The following TPMT variants were observed in gnomAD, a reference collection of about 807,000 sequenced individuals.
TPMT encodes S-adenosyl-L-methionine:thiopurine S-methyltransferase.
A neutral mutation model predicts 34.2 loss-of-function variants in TPMT; 18 were observed. That is an observed-to-expected ratio of 0.53 (90% CI 0.36 to 0.78). The LOEUF is 0.78. TPMT is among the 30% of genes least tolerant of loss of function. The probability of loss-of-function intolerance (pLI) is 0.00; values close to 1 mark genes in which losing one functional copy is unlikely to be tolerated. For missense variants in TPMT, 265 were observed against 288.1 expected (o/e 0.92, Z 0.58); for synonymous variants, 69 against 92.4 (o/e 0.75, Z 1.45).
rs1331401174 is a variant in TPMT at position 18,140,145 on chromosome 6, T to C, written c.367-428A>G. 6.6e-6 allele frequency among the ~76,000 whole-genome samples: 1 copy of C among 152,238 alleles called. No individual in the cohort carries two copies. Among genetic ancestry groups the C allele is most frequent in the East Asian group, 1.9e-4 (1 of 5,202 alleles). On this transcript the variant is annotated intron_variant, in intron 4 of 8. Coordinates refer to ENST00000309983, the MANE Select transcript of TPMT (RefSeq NM_000367.5). This position sits in a 1 kb window ranked among gnomAD's most constrained non-coding sequence, Gnocchi z 4.7. ...GTGCTGATTCTTCCATTTTTGCTCA[T>C]TCATTCAGCCAATGAGCATTTATTT...
In TPMT at chr6:18,130,946, C is replaced by T. The variant is rs141660412; in HGVS notation, c.626-166G>A. Among the ~76,000 whole-genome samples, 114 of 152,294 alleles carry T rather than the reference C, an allele frequency of 7.5e-4. No individual in the cohort carries two copies. The highest frequency in any genetic ancestry group is 2.6e-3 in the African/African-American group (110 of 41,556). On this transcript the variant is annotated intron_variant, in intron 8 of 8. Coordinates refer to ENST00000309983, the MANE Select transcript of TPMT (RefSeq NM_000367.5). The surrounding 1 kb of genome is among the most constrained non-coding windows in gnomAD (Gnocchi z 4.2). ...TTGAGGTCAGGAGTTCATGACCAGC[C>T]TGGCCAAGATGGTGAAACTCTGTCT...
At position 18,143,519 on chromosome 6, in the gene TPMT, G is replaced by C; in HGVS notation, c.366+77C>G. The C allele has an allele frequency of 6.4e-7, 1 of 1,567,570 alleles. No homozygotes were observed. Among genetic ancestry groups the C allele is most frequent in the Non-Finnish European group, 8.8e-7 (1 of 1,142,052 alleles). ...ATAGGAACCATCGGACACATGAATG[G>C]TATCCTCATAATACTCACACTGAGA... On this transcript the variant is annotated intron_variant, in intron 4 of 8. Transcript: ENST00000309983. The surrounding 1 kb of genome is among the most constrained non-coding windows in gnomAD (Gnocchi z 6.1).
chr6:18,147,377 TC>T (rs2150717908), intron 3 of TPMT, among the ~76,000 whole-genome samples: 1 of 152,346 alleles, frequency 6.6e-6, no homozygotes, highest in Non-Finnish European at 1.5e-5. Flanking sequence ...ACTCCTGTGT[TC>T]CCTGGTGGGA....
chr6:18,141,403 G>A (rs374269887), intron 4 of TPMT, among the ~76,000 whole-genome samples: 1 of 150,616 alleles, frequency 6.6e-6, no homozygotes, highest in Non-Finnish European at 1.5e-5. Flanking sequence ...GCAGTGGTGC[G>A]ATCTTGGCTC....
At position 18,135,871 on chromosome 6, in the gene TPMT, A is replaced by T. The variant is rs1290165716; in HGVS notation, c.495-1982T>A. On this transcript the variant is annotated intron_variant, in intron 6 of 8. Coordinates refer to ENST00000309983, the MANE Select transcript of TPMT (RefSeq NM_000367.5). This position sits in a 1 kb window ranked among gnomAD's most constrained non-coding sequence, Gnocchi z 5.0. Reference sequence around the variant, plus strand: ...GCAACAAGAGTGGAACTCCATCTCAAAAAAAAACCCTAAGATACTACCAGT... The same window carrying T: ...GCAACAAGAGTGGAACTCCATCTCATAAAAAAACCCTAAGATACTACCAGT... Among the ~76,000 whole-genome samples, 1 of 152,074 alleles carries T rather than the reference A, an allele frequency of 6.6e-6. No individual in the cohort carries two copies. The highest frequency in any genetic ancestry group is 1.5e-5 in the Non-Finnish European group (1 of 67,994).
chr6:18,148,267 G>A lies in TPMT; in HGVS notation c.141-352C>T, dbSNP rs1043695176. On this transcript the variant is annotated intron_variant, in intron 2 of 8. Transcript: ENST00000309983. The surrounding 1 kb of genome is among the most constrained non-coding windows in gnomAD (Gnocchi z 4.1). ...TAATTTCATGGTACGTTCTCTAAACGTGTACTCAAGCCTCGGAAGTAAACC... is the reference window on the plus strand; with the variant it reads ...TAATTTCATGGTACGTTCTCTAAACATGTACTCAAGCCTCGGAAGTAAACC... Among the ~76,000 whole-genome samples the A allele has an allele frequency of 6.6e-6, 1 of 152,082 alleles. No homozygotes were observed. The highest frequency in any genetic ancestry group is 2.4e-5 in the African/African-American group (1 of 41,408).
rs11966998 is a variant in TPMT at position 18,145,502 on chromosome 6, T to G, written c.234-1774A>C. Among the ~76,000 whole-genome samples, 8,769 of 152,254 alleles carry G rather than the reference T, an allele frequency of 0.058. 335 individuals are homozygous for G. The highest frequency in any genetic ancestry group is 0.1 in the African/African-American group (4,352 of 41,530). ...GTGAAATTTATTTCATGCTCAAATT[T>G]TTCCCTAATATATCAATTGAGTTAG... On this transcript the variant is annotated intron_variant, in intron 3 of 8. Transcript: ENST00000309983. The surrounding 1 kb of genome is among the most constrained non-coding windows in gnomAD (Gnocchi z 5.6).
chr6:18,133,491 T>C (rs1038863163), intron 7 of TPMT, among the ~76,000 whole-genome samples: 3 of 152,168 alleles, frequency 2.0e-5, no homozygotes, highest in Non-Finnish European at 1.5e-5. Context: ...CCAACCACAT[T>C]CCTCCTTCTT....
rs779236329 is a variant in TPMT at position 18,139,630 on chromosome 6, A to G, written c.419+35T>C. On this transcript the variant is annotated intron_variant, in intron 5 of 8. Coordinates refer to ENST00000309983, the MANE Select transcript of TPMT (RefSeq NM_000367.5). This position sits in a 1 kb window ranked among gnomAD's most constrained non-coding sequence, Gnocchi z 4.2. The stretch of plus-strand genomic sequence containing the variant: ...GCCTGCACTGCCTGGCAAGCATTCA[A>G]ATTTTTTAAAGTGCAGATGTAGTAT... The G allele has an allele frequency of 6.3e-7, 1 of 1,585,882 alleles. No homozygotes were observed. The highest frequency in any genetic ancestry group is 1.3e-5 in the African/African-American group (1 of 74,434).
chr6:18,140,941 G>A lies in TPMT; in HGVS notation c.367-1224C>T, dbSNP rs536456108. On this transcript the variant is annotated intron_variant, in intron 4 of 8. Transcript: ENST00000309983. The surrounding 1 kb of genome is among the most constrained non-coding windows in gnomAD (Gnocchi z 4.7). ...ATGAGGTCCCCACACAGGTTTACAA[G>A]TAGAGGAGGAAGGGTCTTTGACAAC... 6.6e-4 allele frequency among the ~76,000 whole-genome samples: 101 copies of A among 152,252 alleles called. 1 individual carries two copies. Among genetic ancestry groups the A allele is most frequent in the Admixed American group, 4.8e-3 (74 of 15,300 alleles).
At position 18,135,670 on chromosome 6, in the gene TPMT, G is replaced by A. The variant is rs1039067737; in HGVS notation, c.495-1781C>T. On this transcript the variant is annotated intron_variant, in intron 6 of 8. Transcript: ENST00000309983. The surrounding 1 kb of genome is among the most constrained non-coding windows in gnomAD (Gnocchi z 5.0). ...GCAGATCACCTGAGGTCGGGAGTTCGAGACCAGCCTGACCAACATGGAGAA... is the reference window on the plus strand; with the variant it reads ...GCAGATCACCTGAGGTCGGGAGTTCAAGACCAGCCTGACCAACATGGAGAA... Among the ~76,000 whole-genome samples the A allele has an allele frequency of 1.3e-5, 2 of 152,022 alleles. No homozygotes were observed. The highest frequency in any genetic ancestry group is 4.8e-5 in the African/African-American group (2 of 41,376).
chr6:18,147,015 C>T (rs1414805317), intron 3 of TPMT, among the ~76,000 whole-genome samples: 1 of 151,954 alleles, frequency 6.6e-6, no homozygotes, highest in Non-Finnish European at 1.5e-5. Context: ...GTCTCAAATT[C>T]CTGGGCTCAA....
In TPMT at chr6:18,155,039, T is replaced by C. The variant is rs1215593164; in HGVS notation, c.-51A>G. The stretch of plus-strand genomic sequence containing the variant: ...CGCGCCCGAGTGAGCCTACCTCGCT[T>C]ACAGCTGGTTGCCGGCCATTGCCTC... On this transcript the variant is annotated 5_prime_UTR_variant, in exon 1 of 9. It removes the in-frame stop codon of an upstream open reading frame in the 5' UTR. Transcript: ENST00000309983. The surrounding 1 kb of genome is among the most constrained non-coding windows in gnomAD (Gnocchi z 6.2). The C allele has an allele frequency of 6.6e-6, 1 of 152,590 alleles. No individual in the cohort carries two copies. The highest frequency in any genetic ancestry group is 1.5e-5 in the Non-Finnish European group (1 of 68,184). The allele number at this position is 152,590 out of a possible 1,614,324, so 9.5% of individuals were successfully genotyped here. A position where few individuals can be genotyped will look rare whatever the true frequency, so the allele number is the denominator to read the frequency against.
At chr6:18,133,995 T>C (rs1416433773) in intron 6 of TPMT, 106 bp from the exon 7 acceptor site, 3 of 823,860 alleles carry the variant, frequency 3.6e-6, no homozygotes, top group Admixed American at 2.2e-5. Context: ...CTGATACTAC[T>C]GAGTTTAAAT....
At position 18,148,882 on chromosome 6, in the gene TPMT, A is replaced by C; in HGVS notation, c.140+106T>G. On this transcript the variant is annotated intron_variant, in intron 2 of 8. Transcript: ENST00000309983. This position sits in a 1 kb window ranked among gnomAD's most constrained non-coding sequence, Gnocchi z 4.1. ...GGAGACACAAAAATGTGAAGAATTA[A>C]ATGTGCATCCTAAAAGTTAGTCAAA... 1 of 1,533,662 alleles carries C rather than the reference A, an allele frequency of 6.5e-7. No individual in the cohort carries two copies. Among genetic ancestry groups the C allele is most frequent in the Non-Finnish European group, 9.0e-7 (1 of 1,113,898 alleles).
chr6:18,134,914 A>G lies in TPMT; in HGVS notation c.495-1025T>C, dbSNP rs529693073. Among the ~76,000 whole-genome samples the G allele has an allele frequency of 3.3e-5, 5 of 152,320 alleles. No individual in the cohort carries two copies. In the South Asian group the frequency reaches 1.0e-3, roughly 32 times the overall value. ...ATGGACACCCTTCCCCACACTGAGGAAGGAGCCTGGGCTCTTGGCACTCCA... is the reference window on the plus strand; with the variant it reads ...ATGGACACCCTTCCCCACACTGAGGGAGGAGCCTGGGCTCTTGGCACTCCA... On this transcript the variant is annotated intron_variant, in intron 6 of 8. Transcript: ENST00000309983.
intron 1 of TPMT, among the ~76,000 whole-genome samples, chr6:18,151,573 G>C (rs1784354825): frequency 7.0e-6 from 1 of 143,286 alleles, no homozygotes; most frequent in Admixed American, 7.0e-5. Context: ...TGGAAACCTA[G>C]ATTTATTTAT....
Position 18,139,073 on chromosome 6 carries a change from A to G in TPMT, c.420-36T>C, listed in dbSNP as rs761750303. 2.5e-6 allele frequency: 4 copies of G among 1,580,890 alleles called. No homozygotes were observed. In the South Asian group the frequency reaches 4.4e-5, roughly 17 times the overall value. ...GAGAAAAAACATTTTATGGGAGAAA[A>G]ATCAAATCTTTAAGAAGATGAGCAG... is the stretch of plus-strand genomic sequence containing the variant. On this transcript the variant is annotated intron_variant, in intron 5 of 8. Transcript: ENST00000309983. This position sits in a 1 kb window ranked among gnomAD's most constrained non-coding sequence, Gnocchi z 4.2.
rs1180747359 is a variant in TPMT at position 18,140,883 on chromosome 6, T to TC, written c.367-1167dup. Among the ~76,000 whole-genome samples, 1 of 151,916 alleles carries TC rather than the reference T, an allele frequency of 6.6e-6. No individual in the cohort carries two copies. The highest frequency in any genetic ancestry group is 1.5e-5 in the Non-Finnish European group (1 of 68,004). On this transcript the variant is annotated intron_variant, in intron 4 of 8. Coordinates refer to ENST00000309983, the MANE Select transcript of TPMT (RefSeq NM_000367.5). The surrounding 1 kb of genome is among the most constrained non-coding windows in gnomAD (Gnocchi z 4.7). ...TGAAGGGCAGTGTAGGAAAGGTGTG[T>TC]CAGCACACAAGACTGCTAGATTTTA... is the stretch of plus-strand genomic sequence containing the variant.
Sources: gnomAD v4.1 joint callset for allele counts (sites outside exome capture counted in the v4.1 genomes callset) on GRCh38, gnomAD v4.1.1 for gene constraint, Gnocchi (gnomAD v3.1) non-coding constraint, MANE v1.5 for transcripts, NCBI Gene and HGNC (gene_info 2026-07-23, HGNC 2026-07-21) for gene names.